The following LURAP1L variants were observed in gnomAD, a reference collection of about 807,000 sequenced individuals.
The protein encoded by LURAP1L is leucine rich adaptor protein 1-like.
A neutral mutation model predicts 13.8 loss-of-function variants in LURAP1L; 12 were observed. That is an observed-to-expected ratio of 0.87 (90% CI 0.56 to 1.41). The LOEUF (loss-of-function observed/expected upper bound fraction) is 1.41. LURAP1L is among the 40% of genes most tolerant of loss of function. LURAP1L has a pLI of 0.00. For synonymous variants in LURAP1L, 139 were observed against 119.2 expected (o/e 1.17, Z -1.08); for missense variants, 375 against 292.9 (o/e 1.28, Z -2.04).
chr9:12,799,807 G>A (rs1819559584), intron 1 of LURAP1L, among the ~76,000 whole-genome samples: 2 of 150,434 alleles, frequency 1.3e-5, no homozygotes, highest in Admixed American at 1.3e-4. Context: ...CTGGGAGGCG[G>A]AGCTTGCAGT....
At chr9:12,817,014 C>G (rs1345380276) in intron 1 of LURAP1L, among the ~76,000 whole-genome samples, 1 of 152,172 alleles carries the variant, frequency 6.6e-6, no homozygotes, top group African/African-American at 2.4e-5. Context: ...TATCGGTTAT[C>G]ACCTCTGAAC....
chr9:12,805,852 A>G (rs10809846), intron 1 of LURAP1L, among the ~76,000 whole-genome samples: 24,548 of 152,174 alleles, frequency 0.16, 2,329 homozygotes, highest in East Asian at 0.31. Flanking sequence ...CAACCTTGTG[A>G]TCCAGTAGCA....
At chr9:12,798,152 T>G (rs1254751685) in intron 1 of LURAP1L, among the ~76,000 whole-genome samples, 1 of 152,174 alleles carries the variant, frequency 6.6e-6, no homozygotes, top group African/African-American at 2.4e-5. Flanking sequence ...AGGTAAAATT[T>G]TAAGTGTAAT....
chr9:12,793,413 A>AC (rs1362345241), intron 1 of LURAP1L, among the ~76,000 whole-genome samples: 1 of 152,060 alleles, frequency 6.6e-6, no homozygotes, highest in Non-Finnish European at 1.5e-5. Context: ...CCATGACTTA[A>AC]CCTTATAGAA....
chr9:12,809,689 T>C (rs1030780023), intron 1 of LURAP1L, among the ~76,000 whole-genome samples: 5 of 152,234 alleles, frequency 3.3e-5, no homozygotes, highest in African/African-American at 9.6e-5. Context: ...TAATTCTTTG[T>C]TGAAGGCTGG....
At chr9:12,818,224 C>G (rs949230557) in intron 1 of LURAP1L, among the ~76,000 whole-genome samples, 7 of 151,466 alleles carry the variant, frequency 4.6e-5, no homozygotes, top group Non-Finnish European at 7.4e-5. Context: ...CTCTTTTCTT[C>G]TTACTGCTTA....
chr9:12,796,241 C>T (rs1317711561), intron 1 of LURAP1L, among the ~76,000 whole-genome samples: 1 of 151,794 alleles, frequency 6.6e-6, no homozygotes, highest in East Asian at 1.9e-4. Context: ...AATGTACACT[C>T]CTGATAAATA....
At chr9:12,780,030 C>A (rs888075932) in intron 1 of LURAP1L, among the ~76,000 whole-genome samples, 1 of 152,178 alleles carries the variant, frequency 6.6e-6, no homozygotes, top group Non-Finnish European at 1.5e-5. Context: ...TCTCCTGACA[C>A]GACCAGTTCA....
intron 1 of LURAP1L, among the ~76,000 whole-genome samples, chr9:12,807,567 T>C (rs1328461859): frequency 6.6e-6 from 1 of 152,172 alleles, no homozygotes; most frequent in East Asian, 1.9e-4. Flanking sequence ...TCTGTAACTT[T>C]ATATTTAAGG....
In LURAP1L at chr9:12,822,131, A is replaced by C; in HGVS notation, c.*371A>C. On this transcript the variant is annotated 3_prime_UTR_variant, in exon 2 of 2. Transcript: ENST00000319264. ...ATAAACCAAAGTCTGATAACAGTTA[A>C]TGTTGCTGCTTGCGTCCTTAAATGA... 5.6e-6 allele frequency: 1 copy of C among 178,876 alleles called. No homozygotes were observed. The highest frequency in any genetic ancestry group is 1.2e-5 in the Non-Finnish European group (1 of 84,104). 11.1% of individuals were successfully genotyped at this position (178,876 alleles called of 1,614,324 possible).
chr9:12,788,216 A>T (rs912174844), intron 1 of LURAP1L, among the ~76,000 whole-genome samples: 1 of 146,146 alleles, frequency 6.8e-6, no homozygotes, highest in Non-Finnish European at 1.5e-5. Flanking sequence ...GAAAAGCTCA[A>T]TGTGTTTCTC....
chr9:12,816,775 G>C (rs1379513746), intron 1 of LURAP1L, among the ~76,000 whole-genome samples: 2 of 152,168 alleles, frequency 1.3e-5, no homozygotes, highest in Non-Finnish European at 2.9e-5. Flanking sequence ...TGAAGCCTGA[G>C]AGACTAAGTA....
intron 1 of LURAP1L, among the ~76,000 whole-genome samples, chr9:12,805,959 G>A (rs1399986241): frequency 6.6e-6 from 1 of 152,120 alleles, no homozygotes; most frequent in Non-Finnish European, 1.5e-5. Context: ...CAGAAAAAAA[G>A]AAAAGAAAAG....
chr9:12,803,403 C>A lies in LURAP1L; in HGVS notation c.313-17983C>A, dbSNP rs113740065. ...GTACAGGTTAAGTTACTGGTGGAAC[C>A]AAGACTAAAACCAAAGTTTTAGCTT... On this transcript the variant is annotated intron_variant, in intron 1 of 1. Transcript: ENST00000319264. Among the ~76,000 whole-genome samples, 509 of 152,292 alleles carry A rather than the reference C, an allele frequency of 3.3e-3. 2 individuals carry two copies. The highest frequency in any genetic ancestry group is 6.8e-3 in the Middle Eastern group (2 of 294).
intron 1 of LURAP1L, among the ~76,000 whole-genome samples, chr9:12,809,703 T>C (rs1328369918): frequency 6.6e-6 from 1 of 152,212 alleles, no homozygotes; most frequent in Non-Finnish European, 1.5e-5. Flanking sequence ...AGGCTGGATA[T>C]GATATAAAAG....
intron 1 of LURAP1L, among the ~76,000 whole-genome samples, chr9:12,786,357 AG>A (rs1181749410): frequency 6.6e-6 from 1 of 151,468 alleles, no homozygotes; most frequent in Non-Finnish European, 1.5e-5. Flanking sequence ...TTTCTAAAGC[AG>A]CTTCTGTTTA....
chr9:12,797,759 C>CT (rs1819528055), intron 1 of LURAP1L, among the ~76,000 whole-genome samples: 1 of 151,972 alleles, frequency 6.6e-6, no homozygotes, highest in South Asian at 2.1e-4. Context: ...CCCAACAGAG[C>CT]TTTTTTAACA....
intron 1 of LURAP1L, among the ~76,000 whole-genome samples, chr9:12,782,412 G>A (rs886216016): frequency 1.3e-5 from 2 of 152,262 alleles, no homozygotes; most frequent in East Asian, 3.9e-4. Context: ...ATTAGATTTT[G>A]TATATGGCAA....
intron 1 of LURAP1L, among the ~76,000 whole-genome samples, chr9:12,782,798 A>G (rs765333375): frequency 1.3e-5 from 2 of 152,122 alleles, no homozygotes; most frequent in African/African-American, 4.8e-5. Context: ...GAATCTGTAG[A>G]TTGCTTTGAG....
Sources: gnomAD v4.1 joint callset for allele counts (sites outside exome capture counted in the v4.1 genomes callset) on GRCh38, gnomAD v4.1.1 for gene constraint, MANE v1.5 for transcripts, NCBI Gene and HGNC (gene_info 2026-07-23, HGNC 2026-07-21) for gene names.